The following ADCY2 variants were observed in gnomAD, a reference collection of about 807,000 sequenced individuals.
The protein encoded by ADCY2 is adenylate cyclase type 2.
A neutral mutation model predicts 125.2 loss-of-function variants in ADCY2; 31 were observed. The observed-to-expected ratio is 0.25, with a 90% CI of 0.19 to 0.33. The LOEUF is 0.33. Among genes scored for constraint, ADCY2 ranks in the 10% least tolerant of loss-of-function variants. The pLI, the probability that ADCY2 is intolerant of heterozygous loss-of-function variation, is 1.00. For synonymous variants in ADCY2, 512 were observed against 548.4 expected (o/e 0.93, Z 0.93); for missense variants, 904 against 1,418.2 (o/e 0.64, Z 5.82).
At chr5:7,811,063 C>T (rs1417067382) in intron 22 of ADCY2, among the ~76,000 whole-genome samples, 3 of 152,154 alleles carry the variant, frequency 2.0e-5, no homozygotes, top group Non-Finnish European at 4.4e-5. Flanking sequence ...CTCACAGTTT[C>T]TAACAGGTTG....
At position 7,681,290 on chromosome 5, in the gene ADCY2, A is replaced by G. The variant is rs1386715672; in HGVS notation, c.721-9401A>G. Among the ~76,000 whole-genome samples the G allele has an allele frequency of 2.6e-5, 4 of 152,236 alleles. No individual in the cohort carries two copies. In the East Asian group the frequency reaches 7.7e-4, roughly 29 times the overall value. On this transcript the variant is annotated intron_variant, in intron 4 of 24. Coordinates refer to ENST00000338316, the MANE Select transcript of ADCY2 (RefSeq NM_020546.3). ...AGAAATGATGGGTACATCTCTTGGT[A>G]TCAACTACATCAGTGCCCACAGGGA...
chr5:7,675,915 C>T (rs1740111397), intron 4 of ADCY2, among the ~76,000 whole-genome samples: 1 of 152,334 alleles, frequency 6.6e-6, no homozygotes, highest in South Asian at 2.1e-4. Flanking sequence ...CAAGTTAAGA[C>T]TAGCGAGTGT....
At chr5:7,479,172 C>T (rs1328357830) in intron 2 of ADCY2, among the ~76,000 whole-genome samples, 1 of 151,882 alleles carries the variant, frequency 6.6e-6, no homozygotes, top group Non-Finnish European at 1.5e-5. Flanking sequence ...GGTTAAAATC[C>T]AGCATGAGGA....
chr5:7,578,314 C>G (rs2062412311), intron 3 of ADCY2, among the ~76,000 whole-genome samples: 1 of 152,112 alleles, frequency 6.6e-6, no homozygotes, highest in African/African-American at 2.4e-5. Flanking sequence ...TGCCAGTGGT[C>G]AAATTGAAAC....
chr5:7,676,915 A>C (rs549914949), intron 4 of ADCY2, among the ~76,000 whole-genome samples: 1 of 152,142 alleles, frequency 6.6e-6, no homozygotes, highest in African/African-American at 2.4e-5. Flanking sequence ...TTGAAGTTGG[A>C]GTTTCTGTAT....
intron 3 of ADCY2, among the ~76,000 whole-genome samples, chr5:7,526,857 A>G (rs1734487129): frequency 6.6e-6 from 1 of 152,230 alleles, no homozygotes; most frequent in Admixed American, 6.5e-5. Flanking sequence ...GGAAGACAAT[A>G]TTTAATTATC....
chr5:7,569,992 T>C (rs1736021124), intron 3 of ADCY2, among the ~76,000 whole-genome samples: 1 of 96,974 alleles, frequency 1.0e-5, no homozygotes, highest in Non-Finnish European at 2.8e-5. Context: ...CAAGGGACCT[T>C]ACATATCTTT....
intron 15 of ADCY2, among the ~76,000 whole-genome samples, chr5:7,747,787 A>T (rs1293859375): frequency 6.6e-6 from 1 of 152,228 alleles, no homozygotes; most frequent in Non-Finnish European, 1.5e-5. Flanking sequence ...GGATGGAAAG[A>T]TCTTCAGTGA....
chr5:7,688,142 C>A (rs1293710275), intron 4 of ADCY2, among the ~76,000 whole-genome samples: 1 of 152,166 alleles, frequency 6.6e-6, no homozygotes, highest in African/African-American at 2.4e-5. Flanking sequence ...CATTTGTTTT[C>A]AACATGTACT....
intron 2 of ADCY2, among the ~76,000 whole-genome samples, chr5:7,476,626 A>G (rs1291752474): frequency 6.6e-6 from 1 of 152,168 alleles, no homozygotes; most frequent in Non-Finnish European, 1.5e-5. Flanking sequence ...TGACCTGCCG[A>G]TGGAGACCCC....
intron 19 of ADCY2, among the ~76,000 whole-genome samples, chr5:7,789,064 CTTAA>C (rs1448072197): frequency 2.0e-5 from 3 of 152,188 alleles, no homozygotes; most frequent in East Asian, 1.9e-4. Context: ...CAGGCACTAT[CTTAA>C]TTAATATCAA....
At chr5:7,593,278 G>A (rs946921904) in intron 3 of ADCY2, among the ~76,000 whole-genome samples, 3 of 152,102 alleles carry the variant, frequency 2.0e-5, no homozygotes, top group South Asian at 2.1e-4. Context: ...CACAACCCAC[G>A]CACAAAAGTA....
intron 1 of ADCY2, among the ~76,000 whole-genome samples, chr5:7,402,595 A>C (rs1382680535): frequency 6.6e-6 from 1 of 152,188 alleles, no homozygotes; most frequent in African/African-American, 2.4e-5. Flanking sequence ...TTCTAGAACA[A>C]TTGTGCCAAG....
At chr5:7,701,940 CAGGTTTGAGGG>C (rs879700996) in intron 7 of ADCY2, among the ~76,000 whole-genome samples, 1,617 of 152,290 alleles carry the variant, frequency 0.011, 13 homozygotes, top group Admixed American at 0.017. Context: ...GTAATGTCAA[CAGGTTTGAGGG>C]ACCTCTCCCA....
chr5:7,574,377 A>C (rs1301150333), intron 3 of ADCY2, among the ~76,000 whole-genome samples: 10 of 152,070 alleles, frequency 6.6e-5, no homozygotes, highest in Non-Finnish European at 1.5e-4. Context: ...AGTCCCACCA[A>C]CAGTGTAAAA....
chr5:7,444,449 T>C lies in ADCY2; in HGVS notation c.408+29679T>C, dbSNP rs542416751. On this transcript the variant is annotated intron_variant, in intron 2 of 24. Coordinates refer to ENST00000338316, the MANE Select transcript of ADCY2 (RefSeq NM_020546.3). The stretch of plus-strand genomic sequence containing the variant: ...CTTTTTAGTTACTCCTTTTTTTTCC[T>C]CCTAAAGGATATTCTATAGCTAACA... 4.4e-3 allele frequency among the ~76,000 whole-genome samples: 675 copies of C among 152,168 alleles called. 7 individuals carry two copies. The highest frequency in any genetic ancestry group is 0.016 in the African/African-American group (657 of 41,502).
At chr5:7,789,899 C>T in intron 20 of ADCY2, 99 bp downstream of exon 20, 1 of 902,462 alleles carries the variant, frequency 1.1e-6, no homozygotes, top group East Asian at 2.7e-5. Context: ...GGCTGCAGTA[C>T]TTCACACATC....
At chr5:7,509,745 T>C (rs1743987185) in intron 2 of ADCY2, among the ~76,000 whole-genome samples, 1 of 152,192 alleles carries the variant, frequency 6.6e-6, no homozygotes, top group South Asian at 2.1e-4. Flanking sequence ...TTCTATAGAG[T>C]TGATATTCTA....
chr5:7,432,367 C>T (rs992184840), intron 2 of ADCY2, among the ~76,000 whole-genome samples: 9 of 152,104 alleles, frequency 5.9e-5, no homozygotes, highest in African/African-American at 1.9e-4. Flanking sequence ...TTAAGCTGTC[C>T]GCAGATGACA....
Sources: gnomAD v4.1 joint callset for allele counts (sites outside exome capture counted in the v4.1 genomes callset) on GRCh38, gnomAD v4.1.1 for gene constraint, MANE v1.5 for transcripts, NCBI Gene and HGNC (gene_info 2026-07-23, HGNC 2026-07-21) for gene names.